ERICH2: variants seen among roughly 807,000 people sequenced by gnomAD.
ERICH2 encodes glutamate-rich protein 2.
Under a neutral mutation model 17.4 loss-of-function variants are expected in ERICH2, and 17 were observed. The ratio of observed to expected loss-of-function variants is 0.98; its 90% CI spans 0.67 to 1.47. The LOEUF (loss-of-function observed/expected upper bound fraction) is 1.47. Ranked by LOEUF, ERICH2 falls within the 40% of genes most tolerant of loss-of-function variation. The pLI is 0.00. For missense variants in ERICH2, 186 were observed against 183.2 expected (o/e 1.01, Z -0.09); for synonymous variants, 51 against 61.1 (o/e 0.83, Z 0.77).
At chr2:170,791,639 G>A (rs969156743) in intron 2 of ERICH2, among the ~76,000 whole-genome samples, 1 of 151,678 alleles carries the variant, frequency 6.6e-6, no homozygotes, top group African/African-American at 2.4e-5. Flanking sequence ...GCAGTGAGCC[G>A]AGATCGCGCC....
At chr2:170,777,251 G>C in the ERICH2 span, 1 of 200,932 alleles carries the variant, frequency 5.0e-6, no homozygotes, top group East Asian at 1.8e-4. Context: ...TAAATAACCA[G>C]CTTTAGTATA....
At chr2:170,770,963 CGG>C in the ERICH2 span, 1 of 148,694 alleles carries the variant, frequency 6.7e-6, no homozygotes, top group East Asian at 2.0e-4. Flanking sequence ...CGTGGTTCCC[CGG>C]GCTGCCCCTG....
intron 2 of ERICH2, among the ~76,000 whole-genome samples, chr2:170,789,526 G>A (rs1701233926): frequency 6.6e-6 from 1 of 151,828 alleles, no homozygotes; most frequent in Non-Finnish European, 1.5e-5. Flanking sequence ...TATGCTTTTT[G>A]TTTAGTTGTT....
intron 2 of ERICH2, among the ~76,000 whole-genome samples, chr2:170,792,247 T>C (rs1384275349): frequency 6.6e-6 from 1 of 152,182 alleles, no homozygotes; most frequent in East Asian, 1.9e-4. Flanking sequence ...AAATAATACT[T>C]GAAAGAATAT....
intron 3 of ERICH2, among the ~76,000 whole-genome samples, chr2:170,794,251 C>T (rs1416098587): frequency 6.6e-6 from 1 of 151,376 alleles, no homozygotes; most frequent in East Asian, 1.9e-4. Context: ...GGATTACAGG[C>T]TTGTGCCACC....
upstream of ERICH2, among the ~76,000 whole-genome samples, chr2:170,780,339 C>T (rs1700999058): frequency 6.6e-6 from 1 of 152,184 alleles, no homozygotes; most frequent in East Asian, 1.9e-4. Flanking sequence ...TTTGGGCCTC[C>T]GATTCTTTGA....
chr2:170,781,204 G>A (rs1266204822), upstream of ERICH2, among the ~76,000 whole-genome samples: 3 of 151,872 alleles, frequency 2.0e-5, no homozygotes, highest in Non-Finnish European at 4.4e-5. Flanking sequence ...TTCCATGAGG[G>A]AAAAAAACAG....
At chr2:170,775,597 G>A in the ERICH2 span, 5 of 151,868 alleles carry the variant, frequency 3.3e-5, no homozygotes, top group Admixed American at 6.6e-5. Flanking sequence ...GCTTTGTTTC[G>A]TCTTTGGAGC....
chr2:170,783,827 G>A (rs1701083613), exon 1 of ERICH2: 2 of 1,550,526 alleles, frequency 1.3e-6, no homozygotes, highest in African/African-American at 2.7e-5. Flanking sequence ...CAGTCAGGGT[G>A]GTTGTGAGCT....
chr2:170,784,160 A>T (rs79210228), intron 1 of ERICH2, among the ~76,000 whole-genome samples: 3,895 of 152,282 alleles, frequency 0.026, 96 homozygotes, highest in South Asian at 0.059. Flanking sequence ...AAATCATACA[A>T]GAAGGGGTGG....
At chr2:170,776,831 C>T in the ERICH2 span, among the ~76,000 whole-genome samples, 2 of 150,756 alleles carry the variant, frequency 1.3e-5, no homozygotes, top group African/African-American at 2.4e-5. Context: ...CATAGGTAAA[C>T]GTGTCATGAG....
chr2:170,784,710 T>C, exon 2 of ERICH2: 1 of 1,546,774 alleles, frequency 6.5e-7, no homozygotes, highest in African/African-American at 1.4e-5. Flanking sequence ...GCCTTCAGGA[T>C]ATTGATGATA....
chr2:170,772,422 C>A, the ERICH2 span, among the ~76,000 whole-genome samples: 9 of 152,128 alleles, frequency 5.9e-5, no homozygotes, highest in Admixed American at 3.9e-4. Context: ...TTAACCTTTG[C>A]AATTTAACTC....
chr2:170,778,396 T>C, the ERICH2 span, among the ~76,000 whole-genome samples: 35,702 of 152,104 alleles, frequency 0.23, 4,860 homozygotes, highest in South Asian at 0.35. Context: ...ATTCTTCTAT[T>C]CAAATTCATA....
chr2:170,777,723 C>CT, the ERICH2 span: 3 of 1,198,032 alleles, frequency 2.5e-6, no homozygotes, highest in Non-Finnish European at 3.1e-6. Flanking sequence ...TCTCCCATGC[C>CT]TTTTAAGCAA....
At chr2:170,777,694 TTTGA>T in the ERICH2 span, 2 of 1,232,552 alleles carry the variant, frequency 1.6e-6, no homozygotes, top group Non-Finnish European at 1.0e-6. Flanking sequence ...AGAAGATGTC[TTTGA>T]TTGTGCAGCT....
At chr2:170,797,736 G>A (rs1701463649) in intron 3 of ERICH2, among the ~76,000 whole-genome samples, 2 of 150,598 alleles carry the variant, frequency 1.3e-5, no homozygotes, top group Admixed American at 1.3e-4. Context: ...AGGCTGCAGT[G>A]AGCCAAGATC....
chr2:170,773,789 A>G, the ERICH2 span, among the ~76,000 whole-genome samples: 1 of 152,064 alleles, frequency 6.6e-6, no homozygotes, highest in East Asian at 1.9e-4. Flanking sequence ...ACAGTGGCAC[A>G]ATCATAGCTC....
chr2:170,786,163 T>C (rs763331991), intron 2 of ERICH2, among the ~76,000 whole-genome samples: 3 of 152,162 alleles, frequency 2.0e-5, no homozygotes, highest in Non-Finnish European at 4.4e-5. Context: ...CTGATATCAC[T>C]TTTCCTTTAC....
Sources: gnomAD v4.1 joint callset for allele counts (sites outside exome capture counted in the v4.1 genomes callset) on GRCh38, gnomAD v4.1.1 for gene constraint, MANE v1.5 for transcripts, NCBI Gene and HGNC (gene_info 2026-07-23, HGNC 2026-07-21) for gene names.